Variants in ELP4 observed in about 807,000 individuals in gnomAD.
ELP4 encodes elongator complex protein 4.
In ELP4, 51 loss-of-function variants were observed where a neutral mutation model predicts 48.9. That is an observed-to-expected ratio of 1.04 (90% CI 0.83 to 1.32). The LOEUF (loss-of-function observed/expected upper bound fraction) is 1.32. Ranked by LOEUF, ELP4 falls within the 40% of genes most tolerant of loss-of-function variation. The probability of loss-of-function intolerance (pLI) is 0.00; values close to 1 mark genes in which losing one functional copy is unlikely to be tolerated. For missense variants in ELP4, 519 were observed against 514.6 expected, an observed-to-expected ratio of 1.01 and a Z score of -0.08; for synonymous variants, 210 against 189.2, an observed-to-expected ratio of 1.11 and a Z score of -0.90.
intron 9 of ELP4, chr11:31,662,532 A>C (rs1163321640): frequency 5.0e-6 from 2 of 397,588 alleles, no homozygotes; most frequent in Non-Finnish European, 8.9e-6. Flanking sequence ...ACAGTGCATC[A>C]CTAAGTTGAG....
intron 9 of ELP4, among the ~76,000 whole-genome samples, chr11:31,754,268 G>A (rs1047431982): frequency 6.6e-6 from 1 of 151,856 alleles, no homozygotes; most frequent in Non-Finnish European, 1.5e-5. Context: ...CTACTCCCCC[G>A]CTCAGAACAC....
At chr11:31,586,003 T>G (rs998303953) in intron 3 of ELP4, among the ~76,000 whole-genome samples, 1 of 152,210 alleles carries the variant, frequency 6.6e-6, no homozygotes, top group East Asian at 1.9e-4. Context: ...GAGGATCACT[T>G]GAGCCCAGGA....
chr11:31,710,850 A>T (rs1160906619), intron 9 of ELP4, among the ~76,000 whole-genome samples: 1 of 152,174 alleles, frequency 6.6e-6, no homozygotes, highest in Non-Finnish European at 1.5e-5. Flanking sequence ...TCATGTAAGT[A>T]ATAGAGCTTA....
chr11:31,755,089 G>A (rs1218761183), intron 9 of ELP4, among the ~76,000 whole-genome samples: 1 of 152,140 alleles, frequency 6.6e-6, no homozygotes, highest in Non-Finnish European at 1.5e-5. Flanking sequence ...AAGAAAGATG[G>A]ATGGGGACAT....
chr11:31,558,911 A>G (rs1956972228), intron 3 of ELP4, among the ~76,000 whole-genome samples: 1 of 152,196 alleles, frequency 6.6e-6, no homozygotes, highest in Non-Finnish European at 1.5e-5. Flanking sequence ...TATTAAAAAC[A>G]AAGTTCATTT....
At chr11:31,512,815 C>A (rs1351582088) in intron 1 of ELP4, among the ~76,000 whole-genome samples, 9 of 137,384 alleles carry the variant, frequency 6.6e-5, no homozygotes, top group African/African-American at 2.4e-4. Flanking sequence ...GCCCCGCCCA[C>A]CCAACCCCAT....
chr11:31,697,972 A>AT (rs1179992288), intron 9 of ELP4, among the ~76,000 whole-genome samples: 1 of 151,880 alleles, frequency 6.6e-6, no homozygotes, highest in Non-Finnish European at 1.5e-5. Context: ...TTTTAAAAGG[A>AT]TTTTTTAAGG....
intron 9 of ELP4, among the ~76,000 whole-genome samples, chr11:31,694,643 C>T (rs146715414): frequency 0.021 from 3,136 of 152,156 alleles, 104 homozygotes; most frequent in African/African-American, 0.071. Context: ...CTTGGCAATG[C>T]GGGCTCTTTT....
intron 9 of ELP4, among the ~76,000 whole-genome samples, chr11:31,730,518 T>C (rs561158281): frequency 6.6e-6 from 1 of 152,276 alleles, no homozygotes; most frequent in South Asian, 2.1e-4. Context: ...AGCTCCAAGC[T>C]TCTCCATGGA....
At position 31,537,356 on chromosome 11, in the gene ELP4, A is replaced by G. The variant is rs190329187; in HGVS notation, c.260-2306A>G. Among the ~76,000 whole-genome samples the G allele has an allele frequency of 2.1e-4, 32 of 152,288 alleles. No homozygotes were observed. The East Asian group carries it at 5.6e-3, about 27-fold the overall frequency. ...GGACTCTATTCTTTTCCACTGATAT[A>G]TATTTCTGTCCTTTTGCTAATTCCA... On this transcript the variant is annotated intron_variant, in intron 2 of 9. Transcript: ENST00000640961.
intron 9 of ELP4, among the ~76,000 whole-genome samples, chr11:31,693,459 T>C (rs898731632): frequency 5.9e-5 from 9 of 152,292 alleles, no homozygotes; most frequent in Admixed American, 5.9e-4. Flanking sequence ...GGTTTCCAGC[T>C]TCATCCATGT....
In ELP4 at chr11:31,788,962, G is replaced by GT. The variant is rs967843301; in HGVS notation, c.*5444dup. On this transcript the variant is annotated 3_prime_UTR_variant, in exon 10 of 10. Transcript: ENST00000640961. Reference sequence around the variant, plus strand: ...AAGGAAATACAAAGGCTTTGGCATGGTTTTTTACAATCAACAATGGTTAAT... The same window carrying GT: ...AAGGAAATACAAAGGCTTTGGCATGGTTTTTTTACAATCAACAATGGTTAAT... The GT allele has an allele frequency of 1.0e-5, 2 of 199,382 alleles. No individual in the cohort carries two copies. The highest frequency in any genetic ancestry group is 4.6e-5 in the African/African-American group (2 of 43,528). The allele number at this position is 199,382 out of a possible 1,614,324, so 12.4% of individuals were successfully genotyped here.
intron 5 of ELP4, among the ~76,000 whole-genome samples, chr11:31,612,337 G>A (rs1448785097): frequency 1.3e-5 from 2 of 152,164 alleles, no homozygotes; most frequent in Admixed American, 6.5e-5. Flanking sequence ...TACCTCTTGG[G>A]AGTTTGGGTT....
intron 9 of ELP4, among the ~76,000 whole-genome samples, chr11:31,749,925 G>C (rs534073797): frequency 1.3e-5 from 2 of 150,222 alleles, no homozygotes; most frequent in African/African-American, 4.9e-5. Context: ...GCGTGATCTC[G>C]GCTCACTGCA....
At chr11:31,575,840 C>A (rs1957266217) in intron 3 of ELP4, among the ~76,000 whole-genome samples, 1 of 152,130 alleles carries the variant, frequency 6.6e-6, no homozygotes, top group Non-Finnish European at 1.5e-5. Flanking sequence ...AAAAACATGC[C>A]AAATTGTAAA....
At chr11:31,652,219 G>T (rs1275960416) in intron 9 of ELP4, 1 of 151,358 alleles carries the variant, frequency 6.6e-6, no homozygotes, top group East Asian at 1.9e-4. Flanking sequence ...TAAGTTTTTT[G>T]AGTTTTTTTG....
At chr11:31,596,201 A>T (rs920658054) in intron 4 of ELP4, among the ~76,000 whole-genome samples, 2 of 152,110 alleles carry the variant, frequency 1.3e-5, no homozygotes, top group Non-Finnish European at 1.5e-5. Context: ...TCAGGAGTTC[A>T]AGACCAGCCT....
intron 9 of ELP4, among the ~76,000 whole-genome samples, chr11:31,700,733 A>G (rs1474581330): frequency 3.3e-5 from 5 of 152,094 alleles, no homozygotes; most frequent in African/African-American, 1.2e-4. Context: ...CAGATTTACA[A>G]AAATTTCCCT....
intron 9 of ELP4, among the ~76,000 whole-genome samples, chr11:31,729,135 T>C (rs996857072): frequency 1.3e-5 from 2 of 152,194 alleles, no homozygotes; most frequent in African/African-American, 4.8e-5. Flanking sequence ...ATATTGTAAT[T>C]GTAGCTCATT....
Sources: gnomAD v4.1 joint callset for allele counts (sites outside exome capture counted in the v4.1 genomes callset) on GRCh38, gnomAD v4.1.1 for gene constraint, MANE v1.5 for transcripts, NCBI Gene and HGNC (gene_info 2026-07-23, HGNC 2026-07-21) for gene names.